Variants in ATG5 observed in about 807,000 individuals in gnomAD.
The protein encoded by ATG5 is autophagy related 5, also known as autophagy protein 5.
A neutral mutation model predicts 36.5 loss-of-function variants in ATG5; 14 were observed. That is an observed-to-expected ratio of 0.38 (90% confidence interval 0.25 to 0.60). The LOEUF (loss-of-function observed/expected upper bound fraction) is 0.60. Ranked by LOEUF, ATG5 falls within the 20% of genes least tolerant of loss-of-function variation. ATG5 has a pLI of 0.60. For synonymous variants in ATG5, 95 were observed against 101.5 expected (o/e 0.94, Z 0.38); for missense variants, 195 against 326.7 (o/e 0.60, Z 3.11).
At chr6:106,271,868 CA>C (rs2114581848) in intron 5 of ATG5, 1 of 152,264 alleles carries the variant, frequency 6.6e-6, no homozygotes, top group East Asian at 1.9e-4. Flanking sequence ...AAAAGCTATG[CA>C]TAGGATTAGT....
At position 106,186,467 on chromosome 6, in the gene ATG5, T is replaced by C. The variant is rs949307058; in HGVS notation, c.*73A>G. On this transcript the variant is annotated 3_prime_UTR_variant, in exon 8 of 8. Coordinates refer to ENST00000369076, the MANE Select transcript of ATG5 (RefSeq NM_004849.4). ...GTCAGGTTGCCTCCACCAAACCTGA[T>C]TGAAGCAAAAGGGTGACATGCTCTG... The C allele has an allele frequency of 5.0e-5, 78 of 1,564,322 alleles. No individual in the cohort carries two copies. The highest frequency in any genetic ancestry group is 6.9e-5 in the Admixed American group (4 of 58,352).
intron 4 of ATG5, among the ~76,000 whole-genome samples, chr6:106,282,894 C>G (rs1779935134): frequency 6.6e-6 from 1 of 152,078 alleles, no homozygotes; most frequent in Non-Finnish European, 1.5e-5. Flanking sequence ...CCAAGCGATC[C>G]TCCCAATTCA....
intron 6 of ATG5, among the ~76,000 whole-genome samples, chr6:106,217,982 C>T (rs1428040510): frequency 6.6e-6 from 1 of 152,070 alleles, no homozygotes; most frequent in Non-Finnish European, 1.5e-5. Flanking sequence ...ATATAGCAGG[C>T]TTAACTTATG....
At chr6:106,201,303 G>GTGTC (rs912092478) in intron 7 of ATG5, among the ~76,000 whole-genome samples, 3 of 149,578 alleles carry the variant, frequency 2.0e-5, no homozygotes, top group Non-Finnish European at 4.4e-5. Flanking sequence ...GTGTGTGTGT[G>GTGTC]TGTCTCAACA....
intron 7 of ATG5, among the ~76,000 whole-genome samples, chr6:106,189,991 T>C (rs1396219664): frequency 6.6e-6 from 1 of 152,196 alleles, no homozygotes; most frequent in Non-Finnish European, 1.5e-5. Context: ...CAGTGTACCA[T>C]TTCTAATATA....
intron 6 of ATG5, among the ~76,000 whole-genome samples, chr6:106,230,141 A>C (rs1160659035): frequency 1.3e-5 from 2 of 152,236 alleles, no homozygotes; most frequent in African/African-American, 2.4e-5. Context: ...ATTGATAGGG[A>C]GACTCTTGTG....
intron 6 of ATG5, among the ~76,000 whole-genome samples, chr6:106,223,587 T>C (rs1777332660): frequency 6.6e-6 from 1 of 152,194 alleles, no homozygotes; most frequent in Non-Finnish European, 1.5e-5. Flanking sequence ...AGTTTTACAT[T>C]AACAATATTA....
chr6:106,198,438 TAGAC>T (rs902952037), intron 7 of ATG5, among the ~76,000 whole-genome samples: 32 of 152,304 alleles, frequency 2.1e-4, no homozygotes, highest in Middle Eastern at 6.8e-3. Flanking sequence ...AAAAACTTGA[TAGAC>T]AGGAATTCAC....
At chr6:106,283,594 T>TA (rs1779963439) in intron 4 of ATG5, 2 of 152,024 alleles carry the variant, frequency 1.3e-5, no homozygotes, top group African/African-American at 4.8e-5. Flanking sequence ...ATGCTGAACT[T>TA]AGTGTGGAAA....
At chr6:106,298,886 T>G (rs1770091301) in intron 3 of ATG5, among the ~76,000 whole-genome samples, 1 of 152,218 alleles carries the variant, frequency 6.6e-6, no homozygotes, top group Non-Finnish European at 1.5e-5. Context: ...GGTACTGAGT[T>G]TCTCTTACAC....
intron 6 of ATG5, among the ~76,000 whole-genome samples, chr6:106,228,949 G>A (rs1343062705): frequency 6.6e-6 from 1 of 152,000 alleles, no homozygotes; most frequent in African/African-American, 2.4e-5. Flanking sequence ...GAAAGCTGTC[G>A]TCCCGAACTC....
chr6:106,222,454 T>TTTCAATCTC (rs1204627915), intron 6 of ATG5, among the ~76,000 whole-genome samples: 1 of 152,198 alleles, frequency 6.6e-6, no homozygotes, highest in Non-Finnish European at 1.5e-5. Context: ...ATTTTAGCTG[T>TTTCAATCTC]TTCAATCTCT....
intron 5 of ATG5, among the ~76,000 whole-genome samples, chr6:106,264,908 C>T (rs908170161): frequency 1.9e-4 from 29 of 151,948 alleles, no homozygotes; most frequent in African/African-American, 6.5e-4. Context: ...ATATAAAGAC[C>T]AACACTATGA....
chr6:106,264,006 CAGA>C (rs982686116), intron 5 of ATG5, among the ~76,000 whole-genome samples: 13 of 151,838 alleles, frequency 8.6e-5, no homozygotes, highest in African/African-American at 2.7e-4. Context: ...GATGAATTGA[CAGA>C]AGAAGGCTTC....
rs79068404 is a variant in ATG5 at position 106,208,640 on chromosome 6, G to T, written c.574-6551C>A. On this transcript the variant is annotated intron_variant, in intron 6 of 7. Transcript: ENST00000369076. ...ACACTAAAGGCATGACCCATAAAAG[G>T]GAATACTAATAAATAGACTTAATTA... 6.8e-3 allele frequency among the ~76,000 whole-genome samples: 1,029 copies of T among 151,216 alleles called. 16 individuals are homozygous for T. Among genetic ancestry groups the T allele is most frequent in the African/African-American group, 0.024 (1,002 of 41,366 alleles).
chr6:106,255,612 G>A (rs529982559), intron 5 of ATG5, among the ~76,000 whole-genome samples: 14 of 152,120 alleles, frequency 9.2e-5, no homozygotes, highest in African/African-American at 1.2e-4. Context: ...TTCAATTATC[G>A]TATTCTAACC....
chr6:106,187,647 G>A (rs1195694694), intron 7 of ATG5, among the ~76,000 whole-genome samples: 1 of 152,118 alleles, frequency 6.6e-6, no homozygotes, highest in Non-Finnish European at 1.5e-5. Flanking sequence ...AGGGAATCAA[G>A]CAACTCTATA....
intron 7 of ATG5, among the ~76,000 whole-genome samples, chr6:106,196,152 A>T (rs1182732064): frequency 6.6e-6 from 1 of 152,174 alleles, no homozygotes; most frequent in Non-Finnish European, 1.5e-5. Context: ...AACAAAATAA[A>T]AACAGTAGAC....
At chr6:106,263,387 C>T (rs1278925728) in intron 5 of ATG5, among the ~76,000 whole-genome samples, 1 of 152,236 alleles carries the variant, frequency 6.6e-6, no homozygotes, top group East Asian at 1.9e-4. Flanking sequence ...GACACAGCAC[C>T]TGGGGGAAGG....
Sources: gnomAD v4.1 joint callset for allele counts (sites outside exome capture counted in the v4.1 genomes callset) on GRCh38, gnomAD v4.1.1 for gene constraint, MANE v1.5 for transcripts, NCBI Gene and HGNC (gene_info 2026-07-23, HGNC 2026-07-21) for gene names.